The following SPMAP2 variants were observed in gnomAD, a reference collection of about 807,000 sequenced individuals.
SPMAP2 encodes Theg homolog.
the SPMAP2 span, among the ~76,000 whole-genome samples, chr19:370,499 C>G: frequency 1.0e-4 from 13 of 124,706 alleles, no homozygotes; most frequent in East Asian, 2.3e-4. Flanking sequence ...CCGCCACCAC[C>G]CCCGGCTAAT....
the SPMAP2 span, among the ~76,000 whole-genome samples, chr19:365,871 G>A: frequency 6.6e-6 from 1 of 152,192 alleles, no homozygotes; most frequent in African/African-American, 2.4e-5. Flanking sequence ...CTGGCCAGGA[G>A]CGGTGTCATG....
At chr19:371,176 G>T in the SPMAP2 span, 33,980 of 1,321,264 alleles carry the variant, frequency 0.026, 503 homozygotes, top group Non-Finnish European at 0.03. Flanking sequence ...CCTGGCGGGG[G>T]TGAGTCGCGG....
At chr19:373,715 T>C in the SPMAP2 span, among the ~76,000 whole-genome samples, 1 of 151,900 alleles carries the variant, frequency 6.6e-6, no homozygotes, top group African/African-American at 2.4e-5. Context: ...GCAAGGCTGA[T>C]GTCCAGAGAA....
At chr19:366,921 G>T in the SPMAP2 span, 1 of 964,480 alleles carries the variant, frequency 1.0e-6, no homozygotes, top group Non-Finnish European at 1.5e-6. Flanking sequence ...AACACCCTCT[G>T]CTTCCGGACC....
the SPMAP2 span, chr19:374,617 T>A: frequency 1.5e-6 from 1 of 663,982 alleles, no homozygotes; most frequent in Non-Finnish European, 2.5e-6. Context: ...GCTCCACTGC[T>A]CGCTGGATGG....
At chr19:374,906 T>C in the SPMAP2 span, among the ~76,000 whole-genome samples, 1 of 152,214 alleles carries the variant, frequency 6.6e-6, no homozygotes, top group African/African-American at 2.4e-5. Context: ...TGCCCTGTCC[T>C]TGCTTGATGC....
At chr19:371,183 G>A in the SPMAP2 span, 1,477 of 1,377,900 alleles carry the variant, frequency 1.1e-3, 13 homozygotes, top group African/African-American at 0.019. Context: ...GGGGTGAGTC[G>A]CGGGGGGCAC....
the SPMAP2 span, chr19:371,461 C>G: frequency 1.7e-5 from 8 of 463,292 alleles, no homozygotes; most frequent in East Asian, 2.6e-4. Context: ...TCTTTCCCAG[C>G]TCCTCCTCTG....
chr19:374,477 G>GGA, the SPMAP2 span: 1 of 1,610,362 alleles, frequency 6.2e-7, no homozygotes, highest in Admixed American at 1.7e-5. Context: ...GATGCGTTTG[G>GGA]GAGCCCAGAG....
chr19:367,066 G>A, the SPMAP2 span: 6 of 1,612,954 alleles, frequency 3.7e-6, no homozygotes, highest in East Asian at 1.3e-4. Context: ...CCTACTTACT[G>A]GCCAAGTGAA....
At chr19:374,655 C>G in the SPMAP2 span, 2 of 564,206 alleles carry the variant, frequency 3.5e-6, no homozygotes, top group Admixed American at 3.1e-5. Flanking sequence ...CCTGTCTCCC[C>G]TGGTCCTCAG....
the SPMAP2 span, chr19:373,578 C>T: frequency 1.3e-6 from 2 of 1,588,366 alleles, no homozygotes; most frequent in Admixed American, 1.7e-5. Flanking sequence ...AGAGCCCTGG[C>T]CCTGCCCGGA....
the SPMAP2 span, among the ~76,000 whole-genome samples, chr19:363,172 A>G: frequency 5.9e-5 from 9 of 152,174 alleles, no homozygotes; most frequent in Non-Finnish European, 8.8e-5. Context: ...AAGCCACTGA[A>G]ACATATTTTT....
At chr19:370,279 G>A in the SPMAP2 span, among the ~76,000 whole-genome samples, 1 of 152,184 alleles carries the variant, frequency 6.6e-6, no homozygotes, top group African/African-American at 2.4e-5. Flanking sequence ...TTCCAATTCT[G>A]GGTATTACCC....
At chr19:364,120 T>A in the SPMAP2 span, among the ~76,000 whole-genome samples, 2 of 149,976 alleles carry the variant, frequency 1.3e-5, no homozygotes, top group African/African-American at 2.4e-5. Context: ...GATCACAAGG[T>A]CAGGAGATCG....
the SPMAP2 span, among the ~76,000 whole-genome samples, chr19:368,320 C>T: frequency 6.6e-6 from 1 of 152,222 alleles, no homozygotes; most frequent in Non-Finnish European, 1.5e-5. The surrounding 1 kb of genome is among the most constrained non-coding windows in gnomAD (Gnocchi z 4.1). Context: ...CCTCTCGCCT[C>T]ATACGCATTC....
At chr19:361,971 A>G in the SPMAP2 span, 28 of 379,270 alleles carry the variant, frequency 7.4e-5, no homozygotes, top group Non-Finnish European at 9.4e-5. Flanking sequence ...GAATGGACGA[A>G]TAAGTCTGGA....
chr19:372,661 C>A, the SPMAP2 span: 103,354 of 1,613,940 alleles, frequency 0.064, 7,170 homozygotes, highest in East Asian at 0.46. Flanking sequence ...CAGGTAGAAT[C>A]TCTTGGGCCG....
At chr19:375,870 C>G in the SPMAP2 span, 3 of 1,580,798 alleles carry the variant, frequency 1.9e-6, no homozygotes, top group Admixed American at 5.4e-5. Flanking sequence ...GTACACAGAG[C>G]TCTGGAGGCC....
Sources: gnomAD v4.1 joint callset for allele counts (sites outside exome capture counted in the v4.1 genomes callset) on GRCh38, gnomAD v4.1.1 for gene constraint, Gnocchi (gnomAD v3.1) non-coding constraint, MANE v1.5 for transcripts, NCBI Gene and HGNC (gene_info 2026-07-23, HGNC 2026-07-21) for gene names.